TMEM222: variants seen among roughly 807,000 people sequenced by gnomAD.
TMEM222 encodes the protein chromosome 1 open reading frame 160.
TMEM222 carries 18 observed loss-of-function variants against 25.1 expected under a neutral mutation model. The observed-to-expected ratio is 0.72, with a 90% CI of 0.50 to 1.06. The LOEUF is 1.06. Ranked by LOEUF, TMEM222 falls within the 50% of genes least tolerant of loss-of-function variation. The pLI is 0.00. For missense variants in TMEM222, 296 were observed against 293.7 expected, an observed-to-expected ratio of 1.01 and a Z score of -0.06; for synonymous variants, 131 against 117.9, an observed-to-expected ratio of 1.11 and a Z score of -0.72.
At chr1:27,333,627 A>C in intron 3 of TMEM222, 2 of 407,156 alleles carry the variant, frequency 4.9e-6, no homozygotes, top group South Asian at 3.9e-5. Flanking sequence ...ATGAGAGCTA[A>C]TCACCCCATG....
intron 1 of TMEM222, among the ~76,000 whole-genome samples, chr1:27,330,271 C>T (rs2148016138): frequency 6.6e-6 from 1 of 151,826 alleles, no homozygotes; most frequent in East Asian, 1.9e-4. Flanking sequence ...GTGGTGCACA[C>T]CTGTAGTCCC....
intron 5 of TMEM222, chr1:27,334,927 C>A: frequency 1.5e-6 from 1 of 659,090 alleles, no homozygotes; most frequent in Non-Finnish European, 2.0e-6. Flanking sequence ...CTCCCAGCTG[C>A]TTGGCTCCAG....
intron 1 of TMEM222, among the ~76,000 whole-genome samples, chr1:27,323,085 T>TGGATAGTGAG (rs879322562): frequency 5.9e-5 from 9 of 152,206 alleles, no homozygotes; most frequent in Admixed American, 1.3e-4. Context: ...ACGTAACCCC[T>TGGATAGTGAG]CCTCACCGTG....
At chr1:27,331,551 G>A (rs1034745707) in intron 2 of TMEM222, among the ~76,000 whole-genome samples, 9 of 152,250 alleles carry the variant, frequency 5.9e-5, no homozygotes, top group African/African-American at 2.2e-4. Context: ...CAGGAATAAT[G>A]TGATGAGTCT....
intron 2 of TMEM222, chr1:27,331,193 A>G: frequency 9.2e-7 from 1 of 1,091,628 alleles, no homozygotes. Flanking sequence ...GGGTGTGGCC[A>G]TGGAGAAGAG....
intron 1 of TMEM222, among the ~76,000 whole-genome samples, chr1:27,327,509 C>T (rs1455986559): frequency 6.6e-6 from 1 of 152,236 alleles, no homozygotes; most frequent in Non-Finnish European, 1.5e-5. Flanking sequence ...GTGCCTCAGC[C>T]TCTCGAGTAG....
Position 27,334,222 on chromosome 1 carries a change from C to T in TMEM222, c.480C>T (p.Ser160=). ...TGAATCTGATGCGCTACAACAACAG[C>T]ACCAACTGGAATATGGTGACGCTCT... ...LALNLMRYNN[S]TNWNMVTLCF... is the part of the protein sequence containing the mutation. The change falls in exon 5 of 6, where the codon AGC becomes AGT. Residue 160 remains serine (S), a synonymous_variant. Transcript: ENST00000374076. 2 of 1,614,200 alleles carry T rather than the reference C, an allele frequency of 1.2e-6. No individual in the cohort carries two copies. The highest frequency in any genetic ancestry group is 1.7e-6 in the Non-Finnish European group (2 of 1,180,038).
chr1:27,324,762 G>A (rs965782107), intron 1 of TMEM222, among the ~76,000 whole-genome samples: 16 of 152,192 alleles, frequency 1.1e-4, no homozygotes. Context: ...TATGGTGTAA[G>A]GCAAAGGGGG....
At chr1:27,325,826 C>T (rs568178994) in intron 1 of TMEM222, 2 of 801,508 alleles carry the variant, frequency 2.5e-6, no homozygotes, top group Admixed American at 3.4e-5. Context: ...GTAGCATTTG[C>T]TGCATGGGTT....
chr1:27,326,052 T>G (rs1221872236), intron 1 of TMEM222, among the ~76,000 whole-genome samples: 1 of 152,198 alleles, frequency 6.6e-6, no homozygotes, highest in African/African-American at 2.4e-5. Flanking sequence ...TTTCAACCCT[T>G]AGTACATGTG....
intron 5 of TMEM222, 44 bp from the exon 6 acceptor site, chr1:27,335,335 C>T: frequency 5.0e-6 from 8 of 1,593,334 alleles, no homozygotes; most frequent in Non-Finnish European, 6.0e-6. Context: ...CATGCCTGCT[C>T]ACCAGGCCCT....
chr1:27,332,592 T>C (rs2014507704), intron 3 of TMEM222: 2 of 707,660 alleles, frequency 2.8e-6, no homozygotes, highest in South Asian at 1.5e-5. Context: ...TTGGGACATT[T>C]GGTCTTCATC....
In TMEM222 at chr1:27,330,704, G is replaced by A. The variant is rs368439489; in HGVS notation, c.195-16G>A. On this transcript the variant is annotated splice_polypyrimidine_tract_variant and intron_variant, in intron 1 of 5. Transcript: ENST00000374076. ...ATCCCCTAAGCTCTGTCCCTTCCCC[G>A]TCCTTTTCCTCACAGGTGGTTTTTC... The A allele has an allele frequency of 7.3e-5, 118 of 1,612,340 alleles. No homozygotes were observed. In the Middle Eastern group the frequency reaches 5.0e-3, roughly 68 times the overall value.
chr1:27,332,323 G>C, intron 3 of TMEM222: 1 of 707,540 alleles, frequency 1.4e-6, no homozygotes. Flanking sequence ...TCTGGGCCTT[G>C]CCACAGCTCT....
intron 1 of TMEM222, among the ~76,000 whole-genome samples, chr1:27,326,460 A>G (rs1186439310): frequency 1.3e-5 from 2 of 152,094 alleles, no homozygotes; most frequent in Admixed American, 6.6e-5. Flanking sequence ...TTCTACTGTT[A>G]TGTGAGAACA....
At chr1:27,327,885 G>A (rs749273832) in intron 1 of TMEM222, among the ~76,000 whole-genome samples, 4 of 152,220 alleles carry the variant, frequency 2.6e-5, no homozygotes, top group Non-Finnish European at 4.4e-5. Flanking sequence ...ATGATTACAG[G>A]CGTGAGCCAC....
rs964101885 is a variant in TMEM222 at position 27,332,171 on chromosome 1, T to C, written c.311+70T>C. 1.6e-5 allele frequency: 25 copies of C among 1,582,390 alleles called. No individual in the cohort carries two copies. In the African/African-American group the frequency reaches 2.8e-4, roughly 18 times the overall value. On this transcript the variant is annotated intron_variant, in intron 3 of 5. Coordinates refer to ENST00000374076, the MANE Select transcript of TMEM222 (RefSeq NM_032125.3). Reference sequence around the variant, plus strand: ...TCCTGCCGGGGCGGGCCAGGCCTTCTGGGGCACAGGAGGGGCCAGCACCCT... The same window carrying C: ...TCCTGCCGGGGCGGGCCAGGCCTTCCGGGGCACAGGAGGGGCCAGCACCCT...
intron 1 of TMEM222, among the ~76,000 whole-genome samples, chr1:27,326,567 C>T (rs895249960): frequency 2.0e-5 from 3 of 152,232 alleles, no homozygotes; most frequent in Middle Eastern, 3.4e-3. Flanking sequence ...ATAGCTGCTG[C>T]TACTAATAAA....
chr1:27,332,425 A>G (rs751912535), intron 3 of TMEM222: 8 of 718,046 alleles, frequency 1.1e-5, no homozygotes, highest in Non-Finnish European at 5.2e-6. Context: ...TGGGACCCAC[A>G]CCCAGATCTG....
Sources: gnomAD v4.1 joint callset for allele counts (sites outside exome capture counted in the v4.1 genomes callset) on GRCh38, gnomAD v4.1.1 for gene constraint, MANE v1.5 for transcripts, NCBI Gene and HGNC (gene_info 2026-07-23, HGNC 2026-07-21) for gene names.